CCDC102B: variants seen among roughly 807,000 people sequenced by gnomAD.
CCDC102B encodes coiled-coil domain containing 102B, also known as coiled-coil domain-containing protein 102B.
In CCDC102B, 75 loss-of-function variants were observed where a neutral mutation model predicts 57.4. The observed-to-expected ratio is 1.31, with a 90% CI of 1.08 to 1.58. CCDC102B has a LOEUF of 1.58. Ranked by LOEUF, CCDC102B falls within the 40% of genes most tolerant of loss-of-function variation. The pLI, the probability that CCDC102B is intolerant of heterozygous loss-of-function variation, is 0.00. For synonymous variants in CCDC102B, 206 were observed against 201.9 expected (o/e 1.02, Z -0.17); for missense variants, 636 against 582.6 (o/e 1.09, Z -0.94).
intron 6 of CCDC102B, among the ~76,000 whole-genome samples, chr18:68,920,423 T>C (rs2145105784): frequency 6.6e-6 from 1 of 152,192 alleles, no homozygotes; most frequent in African/African-American, 2.4e-5. Flanking sequence ...TAAAAGACAT[T>C]AGGTCCACTT....
At position 68,732,358 on chromosome 18, in the gene CCDC102B, T is replaced by A. The variant is rs545204367; in HGVS notation, c.-67+15764T>A. The stretch of plus-strand genomic sequence containing the variant: ...GGCCTTCTTTTTTTTTCTCTCTCTC[T>A]TTTTTGGGATGGAGTGTTGCTCTGT... On this transcript the variant is annotated intron_variant, in intron 2 of 3. Transcript: ENST00000578970. Among the ~76,000 whole-genome samples, 1,408 of 151,670 alleles carry A rather than the reference T, an allele frequency of 9.3e-3. 7 individuals are homozygous for A. Among genetic ancestry groups the A allele is most frequent in the South Asian group, 0.023 (111 of 4,774 alleles).
intron 3 of CCDC102B, 87 bp from the exon 4 acceptor site, chr18:68,846,226 G>T: frequency 1.4e-6 from 1 of 735,898 alleles, no homozygotes; most frequent in Non-Finnish European, 2.0e-6. Context: ...TCAAAAATTA[G>T]GAAAATGCCT....
At chr18:69,019,944 C>A (rs1219266297) in intron 7 of CCDC102B, among the ~76,000 whole-genome samples, 2 of 152,066 alleles carry the variant, frequency 1.3e-5, no homozygotes, top group Admixed American at 1.3e-4. Context: ...TCGTCAAAGG[C>A]ATTTTCTGCA....
intron 7 of CCDC102B, among the ~76,000 whole-genome samples, chr18:69,044,397 C>G (rs1443663582): frequency 6.6e-6 from 1 of 152,152 alleles, no homozygotes; most frequent in Non-Finnish European, 1.5e-5. Context: ...ATAGTGTGCT[C>G]TCAATATTTA....
chr18:69,024,221 C>T (rs2051923687), intron 7 of CCDC102B, among the ~76,000 whole-genome samples: 1 of 152,020 alleles, frequency 6.6e-6, no homozygotes, highest in South Asian at 2.1e-4. Flanking sequence ...TATTTGAAGT[C>T]TGTCCTTTTT....
downstream of CCDC102B, among the ~76,000 whole-genome samples, chr18:69,056,439 T>C (rs2052815771): frequency 6.6e-6 from 1 of 152,044 alleles, no homozygotes; most frequent in Non-Finnish European, 1.5e-5. Context: ...TTGCATTTTA[T>C]GCTAGTTAAA....
At chr18:68,918,598 A>G (rs925555967) in intron 6 of CCDC102B, among the ~76,000 whole-genome samples, 1 of 152,200 alleles carries the variant, frequency 6.6e-6, no homozygotes, top group African/African-American at 2.4e-5. Context: ...AGATCTTACT[A>G]TTACTTGGAA....
intron 2 of CCDC102B, among the ~76,000 whole-genome samples, chr18:68,769,970 T>G (rs1279626912): frequency 6.6e-6 from 1 of 152,140 alleles, no homozygotes; most frequent in Non-Finnish European, 1.5e-5. Context: ...TAGGTTGCAG[T>G]AAGGGAGTAT....
chr18:68,924,465 A>G (rs527489079), intron 6 of CCDC102B, among the ~76,000 whole-genome samples: 1 of 152,166 alleles, frequency 6.6e-6, no homozygotes, highest in South Asian at 2.1e-4. Flanking sequence ...AAGTTTCCTG[A>G]GGTCTCCCCA....
chr18:68,851,860 G>A (rs1286622255), intron 4 of CCDC102B, among the ~76,000 whole-genome samples: 8 of 152,242 alleles, frequency 5.3e-5, no homozygotes, highest in East Asian at 3.9e-4. Flanking sequence ...GTTTTACACC[G>A]TGGGGAGCAT....
intron 6 of CCDC102B, among the ~76,000 whole-genome samples, chr18:68,925,265 G>T (rs1170096112): frequency 3.9e-5 from 6 of 152,032 alleles, no homozygotes; most frequent in Admixed American, 3.9e-4. Context: ...AGATGATTCA[G>T]AAATACTCAG....
chr18:68,884,189 C>A (rs1254886551), intron 5 of CCDC102B, among the ~76,000 whole-genome samples: 3 of 152,038 alleles, frequency 2.0e-5, no homozygotes, highest in African/African-American at 7.2e-5. Flanking sequence ...AATGAAAACA[C>A]CACCTTGTTA....
intron 6 of CCDC102B, among the ~76,000 whole-genome samples, chr18:68,986,346 A>C (rs769042025): frequency 6.6e-6 from 1 of 152,220 alleles, no homozygotes; most frequent in Admixed American, 6.5e-5. Flanking sequence ...AAAACATGCA[A>C]ATCAATAAAT....
downstream of CCDC102B, among the ~76,000 whole-genome samples, chr18:69,056,639 A>AGATAGATGGATG (rs138750472): frequency 4.6e-5 from 6 of 129,944 alleles, no homozygotes; most frequent in Non-Finnish European, 7.8e-5. Flanking sequence ...GATAGATAAT[A>AGATAGATGGATG]GATAGATAGA....
rs574929824 is a variant in CCDC102B at position 68,955,350 on chromosome 18, T to A, written c.1264-55584T>A. 5.8e-4 allele frequency among the ~76,000 whole-genome samples: 88 copies of A among 152,284 alleles called. 2 individuals are homozygous for A. In the East Asian group the frequency reaches 0.016, roughly 27 times the overall value. On this transcript the variant is annotated intron_variant, in intron 6 of 7. Transcript: ENST00000360242. ...TAGACATTTTGCATAGCTACATAATTTAATTATTTATGAATCTAGACTTAC... is the reference window on the plus strand; with the variant it reads ...TAGACATTTTGCATAGCTACATAATATAATTATTTATGAATCTAGACTTAC...
At chr18:68,748,294 G>C (rs1003624495) in intron 2 of CCDC102B, among the ~76,000 whole-genome samples, 1 of 142,746 alleles carries the variant, frequency 7.0e-6, no homozygotes, top group African/African-American at 2.6e-5. Context: ...ATATAATCTG[G>C]ATATTAACCC....
At chr18:68,715,371 G>A in intron 1 of CCDC102B, 1 of 531,938 alleles carries the variant, frequency 1.9e-6, no homozygotes, top group Non-Finnish European at 2.6e-6. Flanking sequence ...GGTAGGCTCT[G>A]ACGACGCACT....
chr18:69,036,899 A>G lies in CCDC102B; in HGVS notation c.1435-17131A>G, dbSNP rs138437318. ...AAGATTTTGGGAAGAAGGAATAGTC[A>G]GTACACATCCTCGATTGAAGTTATC... On this transcript the variant is annotated intron_variant, in intron 7 of 7. Transcript: ENST00000360242. Among the ~76,000 whole-genome samples, 217 of 152,202 alleles carry G rather than the reference A, an allele frequency of 1.4e-3. 1 individual carries two copies. The highest frequency in any genetic ancestry group is 5.0e-3 in the African/African-American group (209 of 41,558).
intron 7 of CCDC102B, among the ~76,000 whole-genome samples, chr18:69,023,333 A>T (rs1202973621): frequency 6.6e-6 from 1 of 152,122 alleles, no homozygotes; most frequent in African/African-American, 2.4e-5. Flanking sequence ...GAATGTAAGT[A>T]AAAAAACAGT....
Sources: allele counts gnomAD v4.1 joint callset (sites outside exome capture counted in the v4.1 genomes callset), GRCh38; gene constraint gnomAD v4.1.1; transcripts MANE v1.5; gene names NCBI Gene and HGNC (gene_info 2026-07-23, HGNC 2026-07-21).